ADAM22: variants seen among roughly 807,000 people sequenced by gnomAD.
ADAM22 encodes the protein disintegrin and metalloproteinase domain-containing protein 22.
In ADAM22, 65 loss-of-function variants were observed where a neutral mutation model predicts 144.6. That is an observed-to-expected ratio of 0.45 (90% CI 0.37 to 0.55). ADAM22 has a LOEUF of 0.55. Among genes scored for constraint, ADAM22 ranks in the 20% least tolerant of loss-of-function variants. The pLI is 0.00. For missense variants in ADAM22, 974 were observed against 1,184.9 expected (o/e 0.82, Z 2.61); for synonymous variants, 391 against 412.6 (o/e 0.95, Z 0.63).
chr7:88,041,169 A>T (rs1184997651), intron 3 of ADAM22, among the ~76,000 whole-genome samples: 3 of 152,050 alleles, frequency 2.0e-5, no homozygotes, highest in African/African-American at 7.2e-5. Flanking sequence ...ATGTAACATT[A>T]TATGGATGGT....
At chr7:88,100,121 A>G (rs559127144) in intron 4 of ADAM22, among the ~76,000 whole-genome samples, 149 of 152,302 alleles carry the variant, frequency 9.8e-4, no homozygotes, top group African/African-American at 3.4e-3. Flanking sequence ...CCTGGGTGAT[A>G]TACTATACTT....
rs1387546227 is a variant in ADAM22 at position 88,145,255 on chromosome 7, A to T, written c.1392+59A>T. On this transcript the variant is annotated intron_variant, in intron 16 of 31. Coordinates refer to ENST00000413139, the MANE Select transcript of ADAM22 (RefSeq NM_001324418.2). ...GGTAATTCAGGGTCATTCCAGGTCC[A>T]CACACTGAGATGTATGGAGCAAATG... The T allele has an allele frequency of 2.4e-5, 38 of 1,573,748 alleles. No homozygotes were observed. The East Asian group carries it at 8.5e-4, about 35-fold the overall frequency.
intron 22 of ADAM22, among the ~76,000 whole-genome samples, chr7:88,161,580 T>A (rs1841649058): frequency 6.6e-6 from 1 of 151,932 alleles, no homozygotes; most frequent in African/African-American, 2.4e-5. Context: ...TTGACAAAGG[T>A]CTAATATCCA....
chr7:88,023,803 G>A (rs1312950898), intron 3 of ADAM22, among the ~76,000 whole-genome samples: 1 of 150,570 alleles, frequency 6.6e-6, no homozygotes, highest in African/African-American at 2.4e-5. Context: ...CCCATTTTTT[G>A]GTACTCCTTA....
chr7:88,083,538 A>G (rs768396247), intron 4 of ADAM22, among the ~76,000 whole-genome samples: 30 of 151,768 alleles, frequency 2.0e-4, no homozygotes, highest in African/African-American at 6.8e-4. Flanking sequence ...TCCAGCATCA[A>G]TAGTTATCAA....
At chr7:88,107,327 G>A (rs1030078328) in intron 4 of ADAM22, among the ~76,000 whole-genome samples, 15 of 148,548 alleles carry the variant, frequency 1.0e-4, no homozygotes, top group African/African-American at 3.7e-4. Context: ...TCAGCCTCCC[G>A]AGTAACTGGG....
At chr7:88,095,799 A>G (rs1404859588) in intron 4 of ADAM22, among the ~76,000 whole-genome samples, 1 of 152,140 alleles carries the variant, frequency 6.6e-6, no homozygotes, top group African/African-American at 2.4e-5. Flanking sequence ...AAATCTTTTC[A>G]TGGTTTTAAA....
intron 17 of ADAM22, among the ~76,000 whole-genome samples, chr7:88,146,376 G>A (rs533103304): frequency 2.0e-5 from 3 of 152,322 alleles, no homozygotes; most frequent in African/African-American, 7.2e-5. Context: ...ATCATAGTAA[G>A]TATCTACTGT....
intron 3 of ADAM22, among the ~76,000 whole-genome samples, chr7:88,038,481 G>A (rs1372381253): frequency 2.4e-4 from 35 of 147,148 alleles, no homozygotes; most frequent in Middle Eastern, 3.7e-3. Context: ...TTGAGACGGA[G>A]TTTCGCTCTG....
intron 2 of ADAM22, among the ~76,000 whole-genome samples, chr7:87,946,805 G>A (rs1843785937): frequency 6.6e-6 from 1 of 152,170 alleles, no homozygotes; most frequent in Admixed American, 6.5e-5. Context: ...AATCAACCTA[G>A]GTGCTCATTC....
intron 23 of ADAM22, 64 bp from the exon 24 acceptor site, chr7:88,165,768 G>C: frequency 8.8e-7 from 1 of 1,138,124 alleles, no homozygotes; most frequent in Non-Finnish European, 1.3e-6. Context: ...AGAAATTAGT[G>C]TTTATTTTTC....
intron 2 of ADAM22, among the ~76,000 whole-genome samples, chr7:87,969,410 T>C (rs1029377170): frequency 6.6e-6 from 1 of 152,212 alleles, no homozygotes; most frequent in African/African-American, 2.4e-5. Flanking sequence ...TACATATACC[T>C]ACTGTTAGAC....
intron 3 of ADAM22, among the ~76,000 whole-genome samples, chr7:88,006,205 A>G (rs920346306): frequency 4.6e-5 from 7 of 152,322 alleles, no homozygotes; most frequent in Non-Finnish European, 1.0e-4. Context: ...AACCAGGAAG[A>G]AGTTGAATCT....
chr7:87,984,915 G>A (rs1005769864), intron 3 of ADAM22, among the ~76,000 whole-genome samples: 7 of 151,874 alleles, frequency 4.6e-5, no homozygotes, highest in African/African-American at 1.5e-4. Context: ...TCAAGTGATC[G>A]CCTGCCTCAG....
chr7:87,949,906 CA>C (rs1462904475), intron 2 of ADAM22, among the ~76,000 whole-genome samples: 1 of 149,588 alleles, frequency 6.7e-6, no homozygotes, highest in African/African-American at 2.4e-5. Context: ...TAAATTATAA[CA>C]TTGATTAATA....
rs117953307 is a variant in ADAM22 at position 88,178,114 on chromosome 7, A to G, written c.2301-821A>G. On this transcript the variant is annotated intron_variant, in intron 26 of 31. Transcript: ENST00000413139. ...GGAGAAGTAATAAAAATCTGTTCCA[A>G]TCTTAATTTATTGAAAATCAGATGA... 5.1e-3 allele frequency among the ~76,000 whole-genome samples: 777 copies of G among 152,286 alleles called. 28 individuals carry two copies. In the East Asian group the frequency reaches 0.081, roughly 16 times the overall value.
intron 3 of ADAM22, among the ~76,000 whole-genome samples, chr7:88,029,866 G>GTT (rs58661918): frequency 6.6e-6 from 1 of 151,394 alleles, no homozygotes. Context: ...CTTCATTGTA[G>GTT]TTTTTTTTCT....
intron 29 of ADAM22, chr7:88,185,783 G>C (rs1342915863): frequency 6.6e-6 from 1 of 152,156 alleles, no homozygotes; most frequent in Non-Finnish European, 1.5e-5. Flanking sequence ...AACATTGCCA[G>C]ATCCATCAGG....
In ADAM22 at chr7:88,106,528, T is replaced by C. The variant is rs113893690; in HGVS notation, c.391-1648T>C. ...ATTTTAAGTAGTGTCAGTCCTTAAG[T>C]CATACTGTGAAGTAGGTAACATTTG... On this transcript the variant is annotated intron_variant, in intron 4 of 31. Transcript: ENST00000413139. Among the ~76,000 whole-genome samples the C allele has an allele frequency of 9.3e-3, 1,411 of 152,304 alleles. 25 individuals are homozygous for C. Among genetic ancestry groups the C allele is most frequent in the African/African-American group, 0.032 (1,350 of 41,562 alleles).
Sources: gnomAD v4.1 joint callset for allele counts (sites outside exome capture counted in the v4.1 genomes callset) on GRCh38, gnomAD v4.1.1 for gene constraint, MANE v1.5 for transcripts, NCBI Gene and HGNC (gene_info 2026-07-23, HGNC 2026-07-21) for gene names.